LDLRAD3: variants seen among roughly 807,000 people sequenced by gnomAD.
LDLRAD3 encodes low density lipoprotein receptor class A domain containing 3.
A neutral mutation model predicts 29.4 loss-of-function variants in LDLRAD3; 20 were observed. The observed-to-expected ratio is 0.68, with a 90% CI of 0.48 to 0.99. LDLRAD3 has a LOEUF of 0.99. Among genes scored for constraint, LDLRAD3 ranks in the 50% least tolerant of loss-of-function variants. The pLI is 0.00. For synonymous variants in LDLRAD3, 157 were observed against 192.7 expected (o/e 0.81, Z 1.53); for missense variants, 420 against 454.3 (o/e 0.92, Z 0.69).
intron 1 of LDLRAD3, among the ~76,000 whole-genome samples, chr11:35,999,330 G>A (rs1310942663): frequency 6.6e-6 from 1 of 152,192 alleles, no homozygotes; most frequent in Non-Finnish European, 1.5e-5. Context: ...GACTGGAGTA[G>A]CCTCATGGTA....
chr11:36,125,054 A>G (rs1853815925), intron 4 of LDLRAD3, among the ~76,000 whole-genome samples: 1 of 152,024 alleles, frequency 6.6e-6, no homozygotes, highest in Non-Finnish European at 1.5e-5. Flanking sequence ...CACCCGTTCT[A>G]CCTTAGCTGT....
intron 4 of LDLRAD3, among the ~76,000 whole-genome samples, chr11:36,105,205 T>TTGTGTGTGTGTGTGTG (rs10565208): frequency 3.9e-4 from 54 of 138,546 alleles, no homozygotes; most frequent in African/African-American, 1.3e-3. Context: ...TCTGCAGAAT[T>TTGTGTGTGTGTGTGTG]TGTGTGTGTG....
In LDLRAD3 at chr11:36,036,261, G is replaced by C. The variant is rs1415145566; in HGVS notation, c.193+12G>C. On this transcript the variant is annotated intron_variant, in intron 2 of 5. Transcript: ENST00000315571. ...TGAGAAGGAGTGCCGTGAGTGGCCT[G>C]GCCCTTTGCTGGGGTGGGGTGGCAG... The C allele has an allele frequency of 1.2e-6, 2 of 1,613,904 alleles. No homozygotes were observed. The highest frequency in any genetic ancestry group is 1.1e-5 in the South Asian group (1 of 91,048).
chr11:36,056,811 A>C (rs1047864345), intron 2 of LDLRAD3, among the ~76,000 whole-genome samples: 1 of 151,996 alleles, frequency 6.6e-6, no homozygotes, highest in African/African-American at 2.4e-5. Context: ...CTCTCCACTA[A>C]ATATGTCTGG....
chr11:36,145,822 G>A (rs1854183287), intron 4 of LDLRAD3, among the ~76,000 whole-genome samples: 2 of 150,534 alleles, frequency 1.3e-5, no homozygotes, highest in South Asian at 4.2e-4. Flanking sequence ...CTGGTTAAGA[G>A]TCATCGCCAC....
At chr11:36,126,123 G>C (rs1853832977) in intron 4 of LDLRAD3, among the ~76,000 whole-genome samples, 1 of 152,110 alleles carries the variant, frequency 6.6e-6, no homozygotes, top group Non-Finnish European at 1.5e-5. Flanking sequence ...TCTTGCCTTT[G>C]GTTCTCCTTT....
At chr11:36,178,159 A>G (rs936520746) in intron 4 of LDLRAD3, among the ~76,000 whole-genome samples, 1 of 151,448 alleles carries the variant, frequency 6.6e-6, no homozygotes, top group African/African-American at 2.4e-5. Context: ...ATTTTTCCCT[A>G]TTTTCAGTTT....
At chr11:36,064,628 T>C (rs977895882) in intron 2 of LDLRAD3, among the ~76,000 whole-genome samples, 1 of 152,080 alleles carries the variant, frequency 6.6e-6, no homozygotes, top group African/African-American at 2.4e-5. Flanking sequence ...CTAGTTCTAA[T>C]AGTTTTTTTG....
At chr11:36,202,961 G>A (rs1410808006) in intron 4 of LDLRAD3, among the ~76,000 whole-genome samples, 1 of 152,144 alleles carries the variant, frequency 6.6e-6, no homozygotes, top group African/African-American at 2.4e-5. Context: ...TTAAGAGACA[G>A]AGTCTTGCTC....
chr11:36,097,705 T>A (rs1330648243), intron 3 of LDLRAD3, among the ~76,000 whole-genome samples: 1 of 152,084 alleles, frequency 6.6e-6, no homozygotes, highest in Non-Finnish European at 1.5e-5. Flanking sequence ...GTAGGGTGAA[T>A]ATACTTAACA....
intron 4 of LDLRAD3, among the ~76,000 whole-genome samples, chr11:36,131,851 G>A (rs945120724): frequency 1.3e-5 from 2 of 152,184 alleles, no homozygotes; most frequent in African/African-American, 4.8e-5. Context: ...TGGGGCCTGG[G>A]GTGGGCTGGG....
intron 1 of LDLRAD3, among the ~76,000 whole-genome samples, chr11:35,961,590 C>T (rs528475498): frequency 7.2e-5 from 11 of 152,274 alleles, no homozygotes; most frequent in Middle Eastern, 3.4e-3. Context: ...GGGTTGAGGG[C>T]TGGGAGTGTC....
chr11:36,204,899 T>C (rs1855184025), intron 4 of LDLRAD3, among the ~76,000 whole-genome samples: 1 of 152,188 alleles, frequency 6.6e-6, no homozygotes, highest in African/African-American at 2.4e-5. Context: ...AGACAGTCAC[T>C]TGGGTTGTCA....
At chr11:36,172,551 G>A (rs910148150) in intron 4 of LDLRAD3, among the ~76,000 whole-genome samples, 2 of 151,946 alleles carry the variant, frequency 1.3e-5, no homozygotes, top group Non-Finnish European at 2.9e-5. Context: ...CTGGATTTTT[G>A]TCAAATGCTT....
intron 1 of LDLRAD3, among the ~76,000 whole-genome samples, chr11:35,975,067 C>A (rs181240008): frequency 6.6e-6 from 1 of 152,132 alleles, no homozygotes; most frequent in Non-Finnish European, 1.5e-5. Flanking sequence ...GACTTCATTT[C>A]GTAAGACCCT....
At chr11:36,001,833 C>T (rs555943818) in intron 1 of LDLRAD3, among the ~76,000 whole-genome samples, 10 of 151,074 alleles carry the variant, frequency 6.6e-5, no homozygotes, top group South Asian at 6.3e-4. Context: ...TTATATACAG[C>T]GGACATTTTT....
In LDLRAD3 at chr11:36,136,110, A is replaced by T. The variant is rs555043293; in HGVS notation, c.454+37649A>T. 1.6e-4 allele frequency among the ~76,000 whole-genome samples: 25 copies of T among 152,296 alleles called. 1 individual carries two copies. The highest frequency in any genetic ancestry group is 5.8e-4 in the African/African-American group (24 of 41,558). On this transcript the variant is annotated intron_variant, in intron 4 of 5. Coordinates refer to ENST00000315571, the MANE Select transcript of LDLRAD3 (RefSeq NM_174902.4). ...TATATAACCCAGTTCATCTGTGCAC[A>T]TGAATCTGTGTACACTGAGTCCTGT...
chr11:35,993,095 GT>G (rs1851709734), intron 1 of LDLRAD3, among the ~76,000 whole-genome samples: 7 of 152,170 alleles, frequency 4.6e-5, no homozygotes, highest in Admixed American at 4.6e-4. Flanking sequence ...TGCTTAAGAA[GT>G]GAGTACAGGG....
At position 35,993,725 on chromosome 11, in the gene LDLRAD3, A is replaced by G. The variant is rs924331576; in HGVS notation, c.47-42378A>G. ...AGGAGTAGGGAGTGAGGTACCAGAA[A>G]AGTCTTGGGTTAGCCCAGATGAGTG... On this transcript the variant is annotated intron_variant, in intron 1 of 5. Transcript: ENST00000315571. Among the ~76,000 whole-genome samples the G allele has an allele frequency of 5.3e-5, 8 of 152,062 alleles. No individual in the cohort carries two copies. In the South Asian group the frequency reaches 6.2e-4, roughly 12 times the overall value.
Sources: gnomAD v4.1 joint callset for allele counts (sites outside exome capture counted in the v4.1 genomes callset) on GRCh38, gnomAD v4.1.1 for gene constraint, MANE v1.5 for transcripts, NCBI Gene and HGNC (gene_info 2026-07-23, HGNC 2026-07-21) for gene names.